The following CACNA2D1 variants were observed in gnomAD, a reference collection of about 807,000 sequenced individuals.
The protein encoded by CACNA2D1 is calcium voltage-gated channel auxiliary subunit alpha2delta 1.
A neutral mutation model predicts 171.5 loss-of-function variants in CACNA2D1; 53 were observed. The observed-to-expected ratio is 0.31, with a 90% CI of 0.25 to 0.39. CACNA2D1 has a LOEUF of 0.39. Ranked by LOEUF, CACNA2D1 falls within the 10% of genes least tolerant of loss-of-function variation. CACNA2D1 has a pLI of 1.00. For missense variants in CACNA2D1, 903 were observed against 1,299.8 expected (o/e 0.69, Z 4.69); for synonymous variants, 442 against 443.1 (o/e 1.00, Z 0.03).
At chr7:82,397,089 C>T (rs1585803080) in intron 1 of CACNA2D1, among the ~76,000 whole-genome samples, 1 of 152,166 alleles carries the variant, frequency 6.6e-6, no homozygotes, top group East Asian at 1.9e-4. Flanking sequence ...CCATTCCACA[C>T]CGAGTACCAA....
chr7:82,353,214 C>G (rs929098170), intron 1 of CACNA2D1, among the ~76,000 whole-genome samples: 1 of 151,988 alleles, frequency 6.6e-6, no homozygotes, highest in East Asian at 1.9e-4. Context: ...GTACAAGGAA[C>G]TAGCTCAACA....
At chr7:82,054,538 CTTGTT>C (rs1470365272) in intron 10 of CACNA2D1, among the ~76,000 whole-genome samples, 1 of 152,218 alleles carries the variant, frequency 6.6e-6, no homozygotes, top group East Asian at 1.9e-4. Flanking sequence ...AATTCTCTGC[CTTGTT>C]TTAATTCCCA....
chr7:81,953,310 T>G (rs563093775), intron 38 of CACNA2D1, among the ~76,000 whole-genome samples: 1 of 152,116 alleles, frequency 6.6e-6, no homozygotes, highest in African/African-American at 2.4e-5. Context: ...TTTCTCATCA[T>G]TCTCAGAGCA....
At chr7:82,204,554 T>C (rs1167237806) in intron 3 of CACNA2D1, among the ~76,000 whole-genome samples, 1 of 152,196 alleles carries the variant, frequency 6.6e-6, no homozygotes, top group Admixed American at 6.5e-5. Flanking sequence ...CTGGAGTTGT[T>C]GTTCCCTGTA....
At chr7:82,257,480 C>A (rs757683584) in intron 3 of CACNA2D1, among the ~76,000 whole-genome samples, 2 of 152,182 alleles carry the variant, frequency 1.3e-5, no homozygotes, top group East Asian at 3.8e-4. Flanking sequence ...AAATTGTACT[C>A]GTTTTGATTC....
chr7:82,427,509 C>T (rs1431787013), intron 1 of CACNA2D1, among the ~76,000 whole-genome samples: 2 of 152,180 alleles, frequency 1.3e-5, no homozygotes, highest in Admixed American at 1.3e-4. Flanking sequence ...ATGGTGGAAG[C>T]AAACAGGAAC....
At chr7:82,332,556 A>AAGAAAGAAAGAAAGAAAGAG (rs1817483529) in intron 3 of CACNA2D1, among the ~76,000 whole-genome samples, 1 of 144,936 alleles carries the variant, frequency 6.9e-6, no homozygotes, top group South Asian at 2.3e-4. Context: ...GAAAGAAAGA[A>AAGAAAGAAAGAAAGAAAGAG]AGAAAGAAAG....
At chr7:82,047,311 C>T (rs1375972109) in intron 10 of CACNA2D1, among the ~76,000 whole-genome samples, 1 of 152,168 alleles carries the variant, frequency 6.6e-6, no homozygotes, top group Non-Finnish European at 1.5e-5. Context: ...CACATACTGT[C>T]TGATCTGGTC....
At chr7:82,063,831 A>G (rs774132627) in intron 9 of CACNA2D1, among the ~76,000 whole-genome samples, 1 of 151,766 alleles carries the variant, frequency 6.6e-6, no homozygotes, top group Admixed American at 6.6e-5. Context: ...TATTTTTTGT[A>G]TATCACCATT....
intron 3 of CACNA2D1, among the ~76,000 whole-genome samples, chr7:82,221,760 C>A (rs1801794818): frequency 7.3e-6 from 1 of 136,332 alleles, no homozygotes; most frequent in Non-Finnish European, 1.6e-5. Flanking sequence ...GAAAAAAAAT[C>A]AGTTCACTGT....
chr7:82,401,186 C>T (rs1261158846), intron 1 of CACNA2D1, among the ~76,000 whole-genome samples: 6 of 152,146 alleles, frequency 3.9e-5, no homozygotes, highest in East Asian at 1.9e-4. Flanking sequence ...TACCATTTGA[C>T]GAAGCCATCC....
rs183619361 is a variant in CACNA2D1 at position 82,119,193 on chromosome 7, C to T, written c.397-2020G>A. ...ATACAAGAAAGAACATCTATGTCTC[C>T]TTCCAGTGTTTTCTTTTCAAAATAT... is the stretch of plus-strand genomic sequence containing the variant. On this transcript the variant is annotated intron_variant, in intron 5 of 38. Transcript: ENST00000356860. Among the ~76,000 whole-genome samples the T allele has an allele frequency of 3.4e-3, 512 of 152,228 alleles. 6 individuals are homozygous for T. The highest frequency in any genetic ancestry group is 0.028 in the South Asian group (136 of 4,820).
intron 7 of CACNA2D1, among the ~76,000 whole-genome samples, chr7:82,068,642 C>CCCAGACTGACACAAAACGATTGAAT (rs368951967): frequency 0.044 from 6,618 of 151,266 alleles, 501 homozygotes; most frequent in African/African-American, 0.15. Context: ...TCTGATTGAA[C>CCCAGACTGACACAAAACGATTGAAT]CCAGACTGAC....
At chr7:82,429,623 T>C (rs1184933930) in intron 1 of CACNA2D1, among the ~76,000 whole-genome samples, 3 of 152,206 alleles carry the variant, frequency 2.0e-5, no homozygotes, top group African/African-American at 7.2e-5. Context: ...TTGTGTCACA[T>C]CTGATAAGTT....
At chr7:82,141,204 G>C (rs1413843971) in intron 4 of CACNA2D1, among the ~76,000 whole-genome samples, 2 of 151,986 alleles carry the variant, frequency 1.3e-5, no homozygotes, top group East Asian at 3.9e-4. Context: ...TCAAATCACT[G>C]AGTCACCACA....
At chr7:82,350,394 G>A (rs961459128) in intron 1 of CACNA2D1, among the ~76,000 whole-genome samples, 2 of 152,076 alleles carry the variant, frequency 1.3e-5, no homozygotes, top group African/African-American at 2.4e-5. Context: ...GGCCAGACAC[G>A]GTGGCTCACA....
At chr7:82,173,461 T>C (rs1045897697) in intron 3 of CACNA2D1, among the ~76,000 whole-genome samples, 6 of 152,052 alleles carry the variant, frequency 3.9e-5, no homozygotes, top group Non-Finnish European at 1.5e-5. Flanking sequence ...TATATAATCA[T>C]GAAAACTCTA....
chr7:82,341,491 T>C (rs1460774725), intron 2 of CACNA2D1, among the ~76,000 whole-genome samples: 1 of 152,196 alleles, frequency 6.6e-6, no homozygotes, highest in Non-Finnish European at 1.5e-5. Context: ...TAAAAATTAT[T>C]TAATCATTTC....
In CACNA2D1 at chr7:82,138,962, T is replaced by A. The variant is rs545127892; in HGVS notation, c.355-2286A>T. 4.6e-5 allele frequency among the ~76,000 whole-genome samples: 7 copies of A among 152,264 alleles called. No individual in the cohort carries two copies. In the South Asian group the frequency reaches 1.2e-3, roughly 27 times the overall value. ...CATCTTCATTTTAGACTTTATTTTC[T>A]GCCATCTGCTTGCTTATATTAACAG... On this transcript the variant is annotated intron_variant, in intron 4 of 38. Coordinates refer to ENST00000356860, the MANE Select transcript of CACNA2D1 (RefSeq NM_000722.4).
Sources: allele counts gnomAD v4.1 joint callset (sites outside exome capture counted in the v4.1 genomes callset), GRCh38; gene constraint gnomAD v4.1.1; transcripts MANE v1.5; gene names NCBI Gene and HGNC (gene_info 2026-07-23, HGNC 2026-07-21).